Variants in CNTN3 observed in about 807,000 individuals in gnomAD.
CNTN3 encodes the protein contactin 3, also known as contactin-3.
A neutral mutation model predicts 119.1 loss-of-function variants in CNTN3; 60 were observed. That is an observed-to-expected ratio of 0.50 (90% CI 0.41 to 0.62). The LOEUF (loss-of-function observed/expected upper bound fraction) is 0.62, where lower values mean the gene tolerates loss of function less well. Ranked by LOEUF, CNTN3 falls within the 20% of genes least tolerant of loss-of-function variation. The pLI, the probability that CNTN3 is intolerant of heterozygous loss-of-function variation, is 0.00. For missense variants in CNTN3, 1,101 were observed against 1,242.4 expected, an observed-to-expected ratio of 0.89 and a Z score of 1.71; for synonymous variants, 450 against 438.7, an observed-to-expected ratio of 1.03 and a Z score of -0.32.
At chr3:74,611,762 C>T (rs989916534) in intron 1 of CNTN3, among the ~76,000 whole-genome samples, 1 of 152,064 alleles carries the variant, frequency 6.6e-6, no homozygotes. Flanking sequence ...TGCATGTGTG[C>T]ATATTAAAAA....
At chr3:74,549,057 CTG>C (rs1042757628) in intron 1 of CNTN3, among the ~76,000 whole-genome samples, 2 of 152,176 alleles carry the variant, frequency 1.3e-5, no homozygotes, top group African/African-American at 4.8e-5. Context: ...CAATTTGACT[CTG>C]TGTCCTCACC....
intron 1 of CNTN3, among the ~76,000 whole-genome samples, chr3:74,572,909 G>T (rs942175777): frequency 1.3e-5 from 2 of 152,216 alleles, no homozygotes; most frequent in African/African-American, 4.8e-5. Flanking sequence ...GACTTCATCT[G>T]CTGTTCATGG....
At chr3:74,569,101 T>C (rs1704271838) in intron 1 of CNTN3, among the ~76,000 whole-genome samples, 1 of 152,172 alleles carries the variant, frequency 6.6e-6, no homozygotes, top group Non-Finnish European at 1.5e-5. Flanking sequence ...CAGATACTCC[T>C]GATATTCCAC....
intron 13 of CNTN3, among the ~76,000 whole-genome samples, chr3:74,317,386 T>C (rs1293305570): frequency 6.6e-6 from 1 of 152,006 alleles, no homozygotes; most frequent in Non-Finnish European, 1.5e-5. Context: ...CATTATGATG[T>C]TAGCTGGTTA....
intron 4 of CNTN3, among the ~76,000 whole-genome samples, chr3:74,465,417 A>G: frequency 6.6e-6 from 1 of 152,196 alleles, no homozygotes; most frequent in East Asian, 1.9e-4. Flanking sequence ...AAATAAACAA[A>G]AAACCTAGAC....
chr3:74,436,735 A>C (rs1424831115), intron 4 of CNTN3, among the ~76,000 whole-genome samples: 1 of 152,216 alleles, frequency 6.6e-6, no homozygotes, highest in Non-Finnish European at 1.5e-5. Flanking sequence ...ATTGGGCAAG[A>C]CAACCATAAA....
chr3:74,549,986 A>G (rs1020572550), intron 1 of CNTN3, among the ~76,000 whole-genome samples: 1 of 152,196 alleles, frequency 6.6e-6, no homozygotes, highest in African/African-American at 2.4e-5. Flanking sequence ...TTAATGGTAC[A>G]TTACATGATG....
chr3:74,392,295 A>G (rs1018187834), intron 5 of CNTN3, among the ~76,000 whole-genome samples: 1 of 152,162 alleles, frequency 6.6e-6, no homozygotes, highest in Non-Finnish European at 1.5e-5. Context: ...GACAATGGCT[A>G]TATTTGGTCT....
At chr3:74,278,907 G>C (rs1701937728) in intron 20 of CNTN3, among the ~76,000 whole-genome samples, 1 of 148,678 alleles carries the variant, frequency 6.7e-6, no homozygotes, top group Admixed American at 6.7e-5. Flanking sequence ...AAATCAGCGG[G>C]AAAAAAAAAC....
At chr3:74,331,688 G>C (rs1413794134) in intron 13 of CNTN3, among the ~76,000 whole-genome samples, 2 of 152,196 alleles carry the variant, frequency 1.3e-5, no homozygotes, top group African/African-American at 4.8e-5. Context: ...TTATGTGGAA[G>C]TCTTTTCCTG....
At chr3:74,468,214 C>G (rs1702498573) in intron 4 of CNTN3, among the ~76,000 whole-genome samples, 1 of 152,140 alleles carries the variant, frequency 6.6e-6, no homozygotes, top group African/African-American at 2.4e-5. Context: ...TGCAATGATA[C>G]ATATAACATG....
intron 5 of CNTN3, among the ~76,000 whole-genome samples, chr3:74,381,614 T>C (rs1343902824): frequency 6.6e-6 from 1 of 152,136 alleles, no homozygotes; most frequent in Non-Finnish European, 1.5e-5. Context: ...GTAATAAATA[T>C]ATATGTTTAT....
At chr3:74,471,523 C>T (rs941354487) in intron 4 of CNTN3, among the ~76,000 whole-genome samples, 3 of 152,142 alleles carry the variant, frequency 2.0e-5, no homozygotes, top group Non-Finnish European at 2.9e-5. Context: ...TCTAGCCTCA[C>T]TGCCACAGAA....
rs150310667 is a variant in CNTN3, at chr3:74,312,249, C to T, written c.1669-9442G>A. On this transcript the variant is annotated intron_variant, in intron 13 of 22. Transcript: ENST00000263665. ...CGGGCAGATCACGAGGTCAGGAGAT[C>T]GAGACCATCCTGGCAAACATGGTGA... 2.5e-3 allele frequency among the ~76,000 whole-genome samples: 385 copies of T among 151,892 alleles called. 3 individuals are homozygous for T. Among genetic ancestry groups the T allele is most frequent in the African/African-American group, 8.8e-3 (364 of 41,456 alleles).
intron 1 of CNTN3, among the ~76,000 whole-genome samples, chr3:74,535,416 AC>A (rs1293436309): frequency 6.6e-6 from 1 of 152,110 alleles, no homozygotes; most frequent in African/African-American, 2.4e-5. Flanking sequence ...GCAACAAGCC[AC>A]CATTTGTTTT....
intron 4 of CNTN3, among the ~76,000 whole-genome samples, chr3:74,449,782 G>A (rs922072242): frequency 6.6e-6 from 1 of 152,040 alleles, no homozygotes; most frequent in Non-Finnish European, 1.5e-5. Context: ...CAAATACTCA[G>A]AATGAATAGC....
chr3:74,496,331 C>T (rs372909468), intron 3 of CNTN3, among the ~76,000 whole-genome samples: 4 of 152,192 alleles, frequency 2.6e-5, no homozygotes, highest in Non-Finnish European at 2.9e-5. Flanking sequence ...TCTTAGAAAG[C>T]TTTGGTAATA....
chr3:74,509,111 G>C (rs1373222395), intron 2 of CNTN3, among the ~76,000 whole-genome samples: 1 of 152,060 alleles, frequency 6.6e-6, no homozygotes, highest in Admixed American at 6.6e-5. Flanking sequence ...TTGTTTCTTA[G>C]AGCTATACAG....
intron 20 of CNTN3, among the ~76,000 whole-genome samples, chr3:74,269,979 T>G (rs1355058544): frequency 6.6e-6 from 1 of 152,192 alleles, no homozygotes; most frequent in African/African-American, 2.4e-5. Context: ...ACTGTATGTT[T>G]TTAAATGTTT....
Sources: allele counts gnomAD v4.1 joint callset (sites outside exome capture counted in the v4.1 genomes callset), GRCh38; gene constraint gnomAD v4.1.1; transcripts MANE v1.5; gene names NCBI Gene and HGNC (gene_info 2026-07-23, HGNC 2026-07-21).